The following UNC13B variants were observed in gnomAD, a reference collection of about 807,000 sequenced individuals.
UNC13B encodes unc-13 homolog B, also known as protein unc-13 homolog B.
A neutral mutation model predicts 211.0 loss-of-function variants in UNC13B; 144 were observed. The observed-to-expected ratio is 0.68, with a 90% CI of 0.60 to 0.78. The LOEUF is 0.78. Among genes scored for constraint, UNC13B ranks in the 30% least tolerant of loss-of-function variants. UNC13B has a pLI of 0.00. For synonymous variants in UNC13B, 709 were observed against 725.8 expected (o/e 0.98, Z 0.37); for missense variants, 1,777 against 2,002.0 (o/e 0.89, Z 2.14).
intron 11 of UNC13B, among the ~76,000 whole-genome samples, chr9:35,316,185 T>C (rs1222597376): frequency 3.3e-5 from 5 of 152,198 alleles, no homozygotes; most frequent in Non-Finnish European, 5.9e-5. Flanking sequence ...TGGTTGCCAA[T>C]TGGTAACTTT....
chr9:35,237,713 G>C lies in UNC13B; in HGVS notation c.281G>C (p.Gly94Ala). 1 of 1,613,338 alleles carries C rather than the reference G, an allele frequency of 6.2e-7. No individual in the cohort carries two copies. The highest frequency in any genetic ancestry group is 8.5e-7 in the Non-Finnish European group (1 of 1,179,818). ...ATCTTTGTTTCCTAGGAAGGGCCTG[G>C]GGAATGGTCCACATTAGAGGCAGAG... is the stretch of plus-strand genomic sequence containing the variant. The part of the protein sequence containing the change: ...TIRQSDEEGP[G>A]EWSTLEAETL... Residue 94 changes from glycine to alanine, a missense_variant, in exon 5 of 40, where the codon GGG becomes GCG. Transcript: ENST00000635942.
chr9:35,334,774 C>T (rs1273741439), intron 11 of UNC13B, among the ~76,000 whole-genome samples: 1 of 152,192 alleles, frequency 6.6e-6, no homozygotes, highest in African/African-American at 2.4e-5. Flanking sequence ...CGGTGGCTCA[C>T]GCCTGTAATC....
In UNC13B at chr9:35,304,392, T is replaced by G; in HGVS notation, c.4988T>G (p.Phe1663Cys). ...RQKFKGDFRSFKERPCGSEDA... is the reference protein window; with the variant it reads ...RQKFKGDFRSCKERPCGSEDA... ...AAGTTTAAAGGAGACTTTAGATCTT[T>G]CAAAGAAAGGCCGTGTGGTTCTGAA... Residue 1663 changes from phenylalanine (F) to cysteine (C), a missense_variant, in exon 9 of 40, where the codon TTC becomes TGC. Phe to Cys is a radical substitution (Grantham distance 205, BLOSUM62 -2). Transcript: ENST00000635942. 2 of 398,708 alleles carry G rather than the reference T, an allele frequency of 5.0e-6. No individual in the cohort carries two copies. The highest frequency in any genetic ancestry group is 7.1e-5 in the East Asian group (2 of 28,050). 24.7% of individuals were successfully genotyped at this position (398,708 alleles called of 1,614,324 possible).
intron 1 of UNC13B, among the ~76,000 whole-genome samples, chr9:35,210,968 C>T (rs1026682491): frequency 6.6e-6 from 1 of 152,062 alleles, no homozygotes; most frequent in Non-Finnish European, 1.5e-5. Flanking sequence ...CTCCTGGGCT[C>T]AATGAATCCT....
rs142744277 is a variant in UNC13B at position 35,306,218 on chromosome 9, G to C, written c.6814G>C (p.Ala2272Pro). ...ESSSGHRDSI[A>P]QEVVHEQQMA... is the part of the protein sequence containing the mutation. ...TTCCAGTGGTCATAGAGATAGCATA[G>C]CCCAAGAAGTAGTTCATGAACAGCA... is the stretch of plus-strand genomic sequence containing the variant. The change falls in exon 9 of 40, where the codon GCC becomes CCC. Residue 2272 changes from alanine to proline, a missense_variant. By Grantham distance (27) the Ala-to-Pro change is conservative. Coordinates refer to ENST00000635942, the MANE Select transcript of UNC13B (RefSeq NM_001371189.2). The C allele has an allele frequency of 6.5e-4, 259 of 399,032 alleles. No homozygotes were observed. The highest frequency in any genetic ancestry group is 4.6e-3 in the African/African-American group (226 of 48,748). The allele number at this position is 399,032 out of a possible 1,614,324, so 24.7% of individuals were successfully genotyped here. A position where few individuals can be genotyped will look rare whatever the true frequency, so the allele number is the denominator to read the frequency against.
At chr9:35,383,216 T>G (rs974883994) in intron 21 of UNC13B, among the ~76,000 whole-genome samples, 8 of 152,252 alleles carry the variant, frequency 5.3e-5, no homozygotes, top group Non-Finnish European at 1.0e-4. Flanking sequence ...GATGCCAGTG[T>G]GCACTTGAAC....
rs534011219 is a variant in UNC13B at position 35,345,984 on chromosome 9, A to G, written c.9415-20963A>G. On this transcript the variant is annotated intron_variant, in intron 11 of 39. Transcript: ENST00000635942. The stretch of plus-strand genomic sequence containing the variant: ...GGGGCTGCTCTTAATGCTGATGAGG[A>G]TGGATGGCAAGTCCTAGGAACTGCA... Among the ~76,000 whole-genome samples the G allele has an allele frequency of 3.7e-4, 56 of 152,276 alleles. 1 individual carries two copies. Among genetic ancestry groups the G allele is most frequent in the African/African-American group, 1.2e-3 (50 of 41,554 alleles).
At chr9:35,212,162 T>A (rs193248530) in intron 1 of UNC13B, among the ~76,000 whole-genome samples, 1 of 152,372 alleles carries the variant, frequency 6.6e-6, no homozygotes, top group Admixed American at 6.5e-5. Flanking sequence ...TGCATGAAGT[T>A]AGACCCTAAG....
chr9:35,250,336 A>G (rs769805579), intron 6 of UNC13B, among the ~76,000 whole-genome samples: 1 of 152,098 alleles, frequency 6.6e-6, no homozygotes, highest in Non-Finnish European at 1.5e-5. Context: ...ATTCTTCCCT[A>G]TCCTCCTCAG....
chr9:35,309,244 TGTG>T (rs1331567821), intron 9 of UNC13B, among the ~76,000 whole-genome samples: 1 of 151,766 alleles, frequency 6.6e-6, no homozygotes. Context: ...TGTGTGTGTG[TGTG>T]TGTGTGTGTG....
intron 2 of UNC13B, 64 bp from the exon 3 acceptor site, chr9:35,231,056 C>T: frequency 9.1e-7 from 1 of 1,095,488 alleles, no homozygotes; most frequent in Non-Finnish European, 1.4e-6. Context: ...ATTCCAAGGG[C>T]TTTGTGAGAT....
chr9:35,202,111 G>A (rs970461812), intron 1 of UNC13B, among the ~76,000 whole-genome samples: 26 of 152,172 alleles, frequency 1.7e-4, no homozygotes, highest in Non-Finnish European at 2.6e-4. Context: ...TAGTCATTCA[G>A]GAGCAGGTTG....
intron 1 of UNC13B, among the ~76,000 whole-genome samples, chr9:35,206,256 AT>A (rs1022899369): frequency 6.6e-6 from 1 of 152,190 alleles, no homozygotes; most frequent in African/African-American, 2.4e-5. Context: ...ACAATTAACT[AT>A]TTGAAAGTGT....
rs760232081 is a variant in UNC13B at position 35,399,284 on chromosome 9, G to A, written c.12198G>A (p.Thr4066=). The A allele has an allele frequency of 7.8e-5, 126 of 1,613,946 alleles. No individual in the cohort carries two copies. Among genetic ancestry groups the A allele is most frequent in the Non-Finnish European group, 1.0e-4 (122 of 1,180,014 alleles). ...TTCTGCCCCCACTCACTGACCAGACGGTAAGGACACCTCCTTCCACTTCCT... is the reference window on the plus strand; with the variant it reads ...TTCTGCCCCCACTCACTGACCAGACAGTAAGGACACCTCCTTCCACTTCCT... ...MIVLPPLTDQ[T]GTQLIFTAAK... Residue 4066 remains threonine, a splice_region_variant and synonymous_variant, in exon 34 of 40, where the codon ACG becomes ACA. Transcript: ENST00000635942.
intron 6 of UNC13B, among the ~76,000 whole-genome samples, chr9:35,249,761 G>A (rs1465786354): frequency 2.6e-5 from 4 of 152,212 alleles, no homozygotes; most frequent in South Asian, 2.1e-4. Flanking sequence ...TGGGTAACCC[G>A]ACCTTTCTCT....
chr9:35,308,659 AG>A (rs1473238432), intron 9 of UNC13B, among the ~76,000 whole-genome samples: 1 of 152,170 alleles, frequency 6.6e-6, no homozygotes, highest in East Asian at 1.9e-4. Context: ...TTAAAGCAAA[AG>A]CTGGGCCCCC....
At chr9:35,381,475 C>A in intron 19 of UNC13B, 81 bp from the exon 20 acceptor site, 2 of 1,483,290 alleles carry the variant, frequency 1.3e-6, no homozygotes, top group Admixed American at 2.2e-5. Context: ...TGTGCACATT[C>A]TTCTGGGCTT....
intron 6 of UNC13B, among the ~76,000 whole-genome samples, chr9:35,258,715 G>T (rs2131624990): frequency 6.6e-6 from 1 of 152,342 alleles, no homozygotes; most frequent in Non-Finnish European, 1.5e-5. Flanking sequence ...CCAGCTGCCT[G>T]GCAGAGCTAG....
intron 1 of UNC13B, among the ~76,000 whole-genome samples, chr9:35,225,754 T>C (rs548636486): frequency 6.6e-6 from 1 of 152,286 alleles, no homozygotes; most frequent in Non-Finnish European, 1.5e-5. Context: ...GCTGGTCCTC[T>C]GGAATCAGTA....
Sources: allele counts gnomAD v4.1 joint callset (sites outside exome capture counted in the v4.1 genomes callset), GRCh38; gene constraint gnomAD v4.1.1; transcripts MANE v1.5; gene names NCBI Gene and HGNC (gene_info 2026-07-23, HGNC 2026-07-21).